The following MDFIC2 variants were observed in gnomAD, a reference collection of about 807,000 sequenced individuals.
MDFIC2 encodes the protein MyoD family inhibitor domain containing 2.
At chr3:70,265,475 C>T (rs1043343263) in intron 2 of MDFIC2, among the ~76,000 whole-genome samples, 1 of 152,006 alleles carries the variant, frequency 6.6e-6, no homozygotes, top group Non-Finnish European at 1.5e-5. Context: ...CACCCTGCTC[C>T]ATGCTACCTC....
intron 2 of MDFIC2, among the ~76,000 whole-genome samples, chr3:70,262,535 C>T (rs540782965): frequency 1.1e-3 from 167 of 152,126 alleles, no homozygotes; most frequent in African/African-American, 3.8e-3. Context: ...TTCATGTGGG[C>T]CTTATTTACT....
chr3:70,247,747 A>G (rs1273762831), intron 2 of MDFIC2, among the ~76,000 whole-genome samples: 1 of 151,952 alleles, frequency 6.6e-6, no homozygotes, highest in Non-Finnish European at 1.5e-5. Context: ...AGCAAGTGGG[A>G]CCAAGGTAAA....
At chr3:70,302,960 C>T (rs1284500999) in intron 2 of MDFIC2, among the ~76,000 whole-genome samples, 1 of 151,986 alleles carries the variant, frequency 6.6e-6, no homozygotes, top group Non-Finnish European at 1.5e-5. Flanking sequence ...ATTTGTTGGC[C>T]TATGAGAACA....
At chr3:70,216,645 G>A (rs1701415003) in intron 2 of MDFIC2, among the ~76,000 whole-genome samples, 1 of 152,052 alleles carries the variant, frequency 6.6e-6, no homozygotes, top group African/African-American at 2.4e-5. Flanking sequence ...AGATGTTACC[G>A]TTGTATAGTA....
intron 2 of MDFIC2, among the ~76,000 whole-genome samples, chr3:70,222,644 TA>T (rs1462403215): frequency 6.6e-6 from 1 of 152,152 alleles, no homozygotes; most frequent in Non-Finnish European, 1.5e-5. Flanking sequence ...TAGGGCCTCC[TA>T]GGTTACTCAG....
chr3:70,207,088 G>A (rs1701298774), intron 2 of MDFIC2, among the ~76,000 whole-genome samples: 4 of 149,874 alleles, frequency 2.7e-5, no homozygotes, highest in Admixed American at 2.0e-4. Context: ...CATTCACTTG[G>A]ATCAACAAAA....
chr3:70,311,814 C>A, intron 2 of MDFIC2, 72 bp downstream of exon 2: 1 of 394,860 alleles, frequency 2.5e-6, no homozygotes, highest in East Asian at 3.6e-5. Context: ...CTCCTTCTCC[C>A]ACACTATTCC....
intron 2 of MDFIC2, among the ~76,000 whole-genome samples, chr3:70,281,004 TA>T (rs35649680): frequency 2.4e-4 from 36 of 152,166 alleles, no homozygotes; most frequent in Non-Finnish European, 4.4e-4. Context: ...AACTTACGTA[TA>T]AAAAAATGAC....
chr3:70,280,047 G>A (rs1391398722), intron 2 of MDFIC2, among the ~76,000 whole-genome samples: 1 of 152,154 alleles, frequency 6.6e-6, no homozygotes, highest in African/African-American at 2.4e-5. Flanking sequence ...TTTCACTGGA[G>A]CAAAATCAAG....
intron 2 of MDFIC2, among the ~76,000 whole-genome samples, chr3:70,233,850 G>C (rs2106746811): frequency 6.6e-6 from 1 of 152,242 alleles, no homozygotes; most frequent in East Asian, 1.9e-4. Context: ...ATATTTAGTT[G>C]CATGAATATA....
intron 2 of MDFIC2, among the ~76,000 whole-genome samples, chr3:70,289,945 C>G (rs1307563627): frequency 6.6e-6 from 1 of 151,998 alleles, no homozygotes; most frequent in Non-Finnish European, 1.5e-5. Context: ...ATTGGTTATT[C>G]TAGTTATACA....
At chr3:70,268,969 A>G (rs1467028070) in intron 2 of MDFIC2, among the ~76,000 whole-genome samples, 2 of 152,166 alleles carry the variant, frequency 1.3e-5, no homozygotes, top group African/African-American at 2.4e-5. Context: ...GAACCAGGAA[A>G]AATCTTAACC....
chr3:70,307,408 G>A (rs949348629), intron 2 of MDFIC2, among the ~76,000 whole-genome samples: 1 of 152,010 alleles, frequency 6.6e-6, no homozygotes, highest in African/African-American at 2.4e-5. Flanking sequence ...TTTCTCTTCC[G>A]TATCAAATGG....
intron 2 of MDFIC2, among the ~76,000 whole-genome samples, chr3:70,300,817 A>G (rs941173055): frequency 2.6e-5 from 4 of 152,076 alleles, no homozygotes; most frequent in Admixed American, 1.3e-4. Context: ...GTCAGCCTAC[A>G]GAATGTAGAG....
intron 2 of MDFIC2, among the ~76,000 whole-genome samples, chr3:70,311,586 A>G (rs1702453527): frequency 6.6e-6 from 1 of 152,220 alleles, no homozygotes; most frequent in Non-Finnish European, 1.5e-5. Context: ...AAAAATCTAC[A>G]GCACTGCAAA....
At chr3:70,201,184 C>A (rs1701234480) in intron 3 of MDFIC2, among the ~76,000 whole-genome samples, 1 of 151,886 alleles carries the variant, frequency 6.6e-6, no homozygotes, top group Non-Finnish European at 1.5e-5. Context: ...TTTCCTGATC[C>A]TCTCCCTCCT....
At chr3:70,234,039 T>C (rs914929121) in intron 2 of MDFIC2, among the ~76,000 whole-genome samples, 7 of 152,220 alleles carry the variant, frequency 4.6e-5, no homozygotes, top group African/African-American at 1.7e-4. Flanking sequence ...GCCTTGCCCA[T>C]TGTTTTCTCA....
intron 2 of MDFIC2, among the ~76,000 whole-genome samples, chr3:70,235,926 C>A (rs1271659163): frequency 6.6e-6 from 1 of 152,186 alleles, no homozygotes; most frequent in African/African-American, 2.4e-5. Context: ...TTCCTATGGG[C>A]AGTCACCACG....
At chr3:70,281,839 C>A (rs1312075832) in intron 2 of MDFIC2, among the ~76,000 whole-genome samples, 1 of 152,138 alleles carries the variant, frequency 6.6e-6, no homozygotes, top group Non-Finnish European at 1.5e-5. Flanking sequence ...AATGCAAATT[C>A]TTTAGCTTCA....
Sources: allele counts gnomAD v4.1 joint callset (sites outside exome capture counted in the v4.1 genomes callset), GRCh38; gene constraint gnomAD v4.1.1; transcripts MANE v1.5; gene names NCBI Gene and HGNC (gene_info 2026-07-23, HGNC 2026-07-21).